ANKLE2: variants seen among roughly 807,000 people sequenced by gnomAD.
ANKLE2 encodes ankyrin repeat and LEM domain containing 2.
ANKLE2 carries 55 observed loss-of-function variants against 84.2 expected under a neutral mutation model. The ratio of observed to expected loss-of-function variants is 0.65; its 90% confidence interval spans 0.53 to 0.82. The LOEUF is 0.82. Among genes scored for constraint, ANKLE2 ranks in the 40% least tolerant of loss-of-function variants. The pLI, the probability that ANKLE2 is intolerant of heterozygous loss-of-function variation, is 0.00. For missense variants in ANKLE2, 1,238 were observed against 1,201.9 expected (o/e 1.03, Z -0.44); for synonymous variants, 551 against 486.1 (o/e 1.13, Z -1.76).
chr12:132,756,872 A>G (rs1429227611), intron 1 of ANKLE2: 1 of 151,840 alleles, frequency 6.6e-6, no homozygotes, highest in African/African-American at 2.4e-5. Context: ...CAGAGGTCAC[A>G]GTGAGCCGAG....
chr12:132,733,516 C>G (rs1196440748), intron 10 of ANKLE2, among the ~76,000 whole-genome samples: 3 of 150,904 alleles, frequency 2.0e-5, no homozygotes, highest in Admixed American at 6.6e-5. Context: ...GTGTGAAGCT[C>G]TCTGCGTGCT....
Position 132,736,967 on chromosome 12 carries a change from TGACGTGAGAGG to T in ANKLE2, c.1508_1518del (p.Ala503GlufsTer57), listed in dbSNP as rs1566019118. On this transcript the variant is annotated frameshift_variant, in exon 8 of 13. Transcript: ENST00000357997. LOFTEE classifies it high-confidence loss of function. ...TCTCTGGGGCTGCCTCCATAGCGGC[TGACGTGAGAGG>T]CCTCAGCCGTCTGGTCTGGGGACCA... 4 of 1,613,912 alleles carry T rather than the reference TGACGTGAGAGG, an allele frequency of 2.5e-6. No homozygotes were observed. The South Asian group carries it at 4.4e-5, about 18-fold the overall frequency.
intron 2 of ANKLE2, 31 bp from the exon 3 acceptor site, chr12:132,750,880 G>A: frequency 6.2e-7 from 1 of 1,601,062 alleles, no homozygotes; most frequent in South Asian, 1.1e-5. Context: ...ATGAAAATCA[G>A]AGAAGAGTGA....
chr12:132,737,048 G>A lies in ANKLE2; in HGVS notation c.1438C>T (p.Leu480Phe), dbSNP rs2044025910. 1 of 1,603,998 alleles carries A rather than the reference G, an allele frequency of 6.2e-7. No homozygotes were observed. Among genetic ancestry groups the A allele is most frequent in the Non-Finnish European group, 8.5e-7 (1 of 1,172,656 alleles). ...GAAGAAGTCTCTTCCGCTCTCAGGA[G>A]GGGCACGTAGTAGTGGCCTGAGGGA... ...EYLKGHYYVPLLRAEETSSPV... is the reference protein window; with the variant it reads ...EYLKGHYYVPFLRAEETSSPV... The change falls in exon 8 of 13, where the codon CTC (leucine) becomes TTC (phenylalanine). Residue 480 changes from leucine (L) to phenylalanine (F), a missense_variant. By Grantham distance (22) the Leu-to-Phe change is conservative (BLOSUM62 0). Transcript: ENST00000357997.
At chr12:132,740,433 G>T (rs1172299556) in intron 7 of ANKLE2, among the ~76,000 whole-genome samples, 1 of 152,214 alleles carries the variant, frequency 6.6e-6, no homozygotes, top group Non-Finnish European at 1.5e-5. Flanking sequence ...AACCCGGACA[G>T]TGTGCAAATG....
In ANKLE2 at chr12:132,754,702, C is replaced by G; in HGVS notation, c.613G>C (p.Val205Leu). 6.2e-7 allele frequency: 1 copy of G among 1,612,200 alleles called. No individual in the cohort carries two copies. The highest frequency in any genetic ancestry group is 1.1e-5 in the South Asian group (1 of 90,972). Residue 205 changes from valine to leucine, a missense_variant, in exon 2 of 13, where the codon GTG (valine) becomes CTG (leucine). Physicochemically the swap from Val to Leu is conservative, Grantham distance 32. This residue lies in a region of ANKLE2 where 422 missense variants were observed against 394.5 expected (regional missense o/e 1.07). Transcript: ENST00000357997. ...TTTCTCGCTGGGACGTCCTCATACA[C>G]TGGACACACCCCATAGTACAGGGGC... ...EPPLYYGVCP[V>L]YEDVPARNER... is the part of the protein sequence containing the mutation.
chr12:132,746,348 C>CAAAAAAAAACA (rs2044238780), intron 5 of ANKLE2, among the ~76,000 whole-genome samples: 1 of 66,542 alleles, frequency 1.5e-5, no homozygotes, highest in African/African-American at 5.6e-5. Context: ...GACTCTGTCT[C>CAAAAAAAAACA]AAAAAAAAAA....
Position 132,735,480 on chromosome 12 carries a change from T to TG in ANKLE2, c.1625dup (p.Pro543ThrfsTer21), listed in dbSNP as rs1424876840. 7 of 1,613,480 alleles carry TG rather than the reference T, an allele frequency of 4.3e-6. No individual in the cohort carries two copies. The Admixed American group carries it at 1.2e-4, about 27-fold the overall frequency. ...GAAGGAAGCCTGCTTTCTCTCGAGG[T>TG]GGAGTTTTCCAGAGCTTGCGAAAAT... On this transcript the variant is annotated frameshift_variant, in exon 9 of 13. Transcript: ENST00000357997. LOFTEE classifies it high-confidence loss of function.
At position 132,755,138 on chromosome 12, in the gene ANKLE2, GC is replaced by G. The variant is rs2044451753; in HGVS notation, c.182-6del. ...GAGCATCCATTGTCATTTCACCTAGGCCCAAGACAAAAAAATCAAAGAGTCA... is the reference window on the plus strand; with the variant it reads ...GAGCATCCATTGTCATTTCACCTAGGCCAAGACAAAAAAATCAAAGAGTCA... On this transcript the variant is annotated splice_region_variant and splice_polypyrimidine_tract_variant and intron_variant, in intron 1 of 12. Coordinates refer to ENST00000357997, the MANE Select transcript of ANKLE2 (RefSeq NM_015114.3). 1.3e-6 allele frequency: 2 copies of G among 1,584,244 alleles called. No homozygotes were observed. The highest frequency in any genetic ancestry group is 1.4e-5 in the African/African-American group (1 of 73,636).
chr12:132,727,974 C>G (rs887720781), intron 12 of ANKLE2, 58 bp downstream of exon 12: 76 of 1,558,890 alleles, frequency 4.9e-5, no homozygotes, highest in Non-Finnish European at 6.5e-5. Context: ...GGAACTGGAC[C>G]CTGCAGAAGT....
At chr12:132,738,250 ATC>A (rs2044052540) in intron 7 of ANKLE2, 1 of 152,202 alleles carries the variant, frequency 6.6e-6, no homozygotes, top group South Asian at 2.1e-4. Flanking sequence ...CTGAATACGC[ATC>A]TCTCAACAGA....
In ANKLE2 at chr12:132,748,098, C is replaced by T. The variant is rs183609419; in HGVS notation, c.1041+40G>A. ...TGTGCGAGTGCTGCGATGGAACGGC[C>T]GGGACCGCACACCTGCCCGAGGGAA... On this transcript the variant is annotated intron_variant, in intron 4 of 12. Transcript: ENST00000357997. The T allele has an allele frequency of 6.4e-3, 10,299 of 1,608,056 alleles. 122 individuals are homozygous for T. Among genetic ancestry groups the T allele is most frequent in the Non-Finnish European group, 5.4e-3 (6,313 of 1,175,800 alleles).
chr12:132,730,279 ACAACAAGGAG>A lies in ANKLE2; in HGVS notation c.1892-19_1892-10del. On this transcript the variant is annotated splice_polypyrimidine_tract_variant and intron_variant, in intron 10 of 12. Coordinates refer to ENST00000357997, the MANE Select transcript of ANKLE2 (RefSeq NM_015114.3). ...GGAAATGGAATTGCTGCCTGTGAGG[ACAACAAGGAG>A]CACTTCAGTGATGGGAACGACAGGA... is the stretch of plus-strand genomic sequence containing the variant. The A allele has an allele frequency of 1.3e-6, 2 of 1,546,780 alleles. No individual in the cohort carries two copies. Among genetic ancestry groups the A allele is most frequent in the Non-Finnish European group, 1.7e-6 (2 of 1,146,042 alleles).
At chr12:132,758,780 C>T (rs2044537501) in intron 1 of ANKLE2, 1 of 152,318 alleles carries the variant, frequency 6.6e-6, no homozygotes, top group African/African-American at 2.4e-5. Context: ...CTCGGCCTCC[C>T]AAAGTGCTGG....
chr12:132,735,553 G>T, intron 8 of ANKLE2, 41 bp from the exon 9 acceptor site: 1 of 1,534,022 alleles, frequency 6.5e-7, no homozygotes, highest in Non-Finnish European at 8.9e-7. Flanking sequence ...GTCAGGCACT[G>T]CGCCCCTCAG....
At chr12:132,733,508 G>C (rs1477716342) in intron 10 of ANKLE2, among the ~76,000 whole-genome samples, 1 of 150,596 alleles carries the variant, frequency 6.6e-6, no homozygotes, top group Non-Finnish European at 1.5e-5. Flanking sequence ...TATGCACCGT[G>C]TGAAGCTCTC....
chr12:132,740,796 G>T (rs2044104335), intron 7 of ANKLE2, among the ~76,000 whole-genome samples: 1 of 120,094 alleles, frequency 8.3e-6, no homozygotes, highest in African/African-American at 2.6e-5. Context: ...CTGACTAGAA[G>T]AGGGCGGCCC....
rs2043989591 is a variant in ANKLE2, at chr12:132,735,486, T to A, written c.1620A>T (p.Lys540Asn). 6.2e-7 allele frequency: 1 copy of A among 1,613,074 alleles called. No individual in the cohort carries two copies. Among genetic ancestry groups the A allele is most frequent in the South Asian group, 1.1e-5 (1 of 90,958 alleles). ...AKAEDFRKLW[K>N]TPPREKAGFL... ...AGCCTGCTTTCTCTCGAGGTGGAGT[T>A]TTCCAGAGCTTGCGAAAATCTTCTG... Residue 540 changes from lysine to asparagine, a missense_variant, in exon 9 of 13, where the codon AAA becomes AAT. By Grantham distance (94) the Lys-to-Asn change is moderately conservative. Coordinates refer to ENST00000357997, the MANE Select transcript of ANKLE2 (RefSeq NM_015114.3).
intron 2 of ANKLE2, 171 bp from the exon 3 acceptor site, chr12:132,751,020 T>A: frequency 1.6e-6 from 1 of 611,764 alleles, no homozygotes; most frequent in Admixed American, 3.0e-5. Flanking sequence ...AATAGAACAA[T>A]TAACAAGCTC....
Sources: allele counts gnomAD v4.1 joint callset (sites outside exome capture counted in the v4.1 genomes callset), GRCh38; gene constraint gnomAD v4.1.1; regional missense constraint gnomAD v4.1.1; transcripts MANE v1.5; gene names NCBI Gene and HGNC (gene_info 2026-07-23, HGNC 2026-07-21).